Variants in PTPRN2 observed in about 807,000 individuals in gnomAD.
PTPRN2 encodes receptor-type tyrosine-protein phosphatase N2.
Under a neutral mutation model 118.8 loss-of-function variants are expected in PTPRN2, and 74 were observed. The ratio of observed to expected loss-of-function variants is 0.62; its 90% CI spans 0.52 to 0.76. The LOEUF (loss-of-function observed/expected upper bound fraction) is 0.76. PTPRN2 is among the 30% of genes least tolerant of loss of function. The pLI is 0.00. For missense variants in PTPRN2, 1,481 were observed against 1,394.4 expected, an observed-to-expected ratio of 1.06 and a Z score of -0.99; for synonymous variants, 641 against 608.0, an observed-to-expected ratio of 1.05 and a Z score of -0.80.
intron 9 of PTPRN2, among the ~76,000 whole-genome samples, chr7:158,133,274 C>T (rs1017511046): frequency 6.6e-5 from 10 of 152,220 alleles, no homozygotes; most frequent in East Asian, 1.9e-4. Context: ...CGCATTCCCG[C>T]GCGGGCCGTG....
intron 3 of PTPRN2, among the ~76,000 whole-genome samples, chr7:158,305,463 A>G (rs371019427): frequency 6.0e-4 from 91 of 152,322 alleles, no homozygotes; most frequent in Middle Eastern, 6.8e-3. Context: ...CCATGGCAGC[A>G]TTGTTTTTGG....
rs1826276303 is a variant in PTPRN2 at position 158,546,301 on chromosome 7, T to C, written c.112+41257A>G. ...GGATGTACAGAGCGCTTCCAGCAGC[T>C]TGAGCTTCACGCCTGCCCGGAGACG... On this transcript the variant is annotated intron_variant, in intron 1 of 22. Coordinates refer to ENST00000389418, the MANE Select transcript of PTPRN2 (RefSeq NM_002847.5). This position sits in a 1 kb window ranked among gnomAD's most constrained non-coding sequence, Gnocchi z 5.0. Among the ~76,000 whole-genome samples, 1 of 152,204 alleles carries C rather than the reference T, an allele frequency of 6.6e-6. No homozygotes were observed. Among genetic ancestry groups the C allele is most frequent in the South Asian group, 2.1e-4 (1 of 4,834 alleles).
Position 157,711,458 on chromosome 7 carries a change from T to A in PTPRN2, c.1789-28521A>T, listed in dbSNP as rs1563025837. Reference sequence around the variant, plus strand: ...CCCCACGCGCCGGAGGTCCGGTTTGTGCACCTGCACACGGGTCCTGTCTGT... The same window carrying A: ...CCCCACGCGCCGGAGGTCCGGTTTGAGCACCTGCACACGGGTCCTGTCTGT... On this transcript the variant is annotated intron_variant, in intron 12 of 22. Coordinates refer to ENST00000389418, the MANE Select transcript of PTPRN2 (RefSeq NM_002847.5). Among the ~76,000 whole-genome samples, 2 of 46,284 alleles carry A rather than the reference T, an allele frequency of 4.3e-5. 1 individual carries two copies. The highest frequency in any genetic ancestry group is 1.5e-4 in the Non-Finnish European group (2 of 13,372). The allele number at this position is 46,284 out of a possible 152,430, so 30.4% of individuals were successfully genotyped here. A position where few individuals can be genotyped will look rare whatever the true frequency, so the allele number is the denominator to read the frequency against.
rs113707743 is a variant in PTPRN2 at position 158,087,939 on chromosome 7, A to G, written c.1644-6562T>C. On this transcript the variant is annotated intron_variant, in intron 10 of 22. Transcript: ENST00000389418. Reference sequence around the variant, plus strand: ...CACATCCTTCTTCCCCTGATGAAAGAGGGAGTCTTCACACAAACCTTCTTC... The same window carrying G: ...CACATCCTTCTTCCCCTGATGAAAGGGGGAGTCTTCACACAAACCTTCTTC... Among the ~76,000 whole-genome samples the G allele has an allele frequency of 5.3e-3, 378 of 70,888 alleles. 14 individuals carry two copies. Among genetic ancestry groups the G allele is most frequent in the African/African-American group, 0.011 (233 of 20,652 alleles). The allele number at this position is 70,888 out of a possible 152,430, so 46.5% of individuals were successfully genotyped here. A position where few individuals can be genotyped will look rare whatever the true frequency, so the allele number is the denominator to read the frequency against.
chr7:158,522,469 C>T (rs1191039706), intron 1 of PTPRN2, among the ~76,000 whole-genome samples: 1 of 150,938 alleles, frequency 6.6e-6, no homozygotes, highest in African/African-American at 2.5e-5. Context: ...GAAAGGTCCA[C>T]GTCAGAATGG....
At chr7:157,985,728 C>A (rs1803731118) in intron 11 of PTPRN2, among the ~76,000 whole-genome samples, 1 of 152,068 alleles carries the variant, frequency 6.6e-6, no homozygotes, top group Admixed American at 6.5e-5. Context: ...CTACTCACTG[C>A]ACAGCCAGCG....
intron 11 of PTPRN2, among the ~76,000 whole-genome samples, chr7:157,928,184 C>T (rs765264058): frequency 2.0e-5 from 3 of 152,186 alleles, no homozygotes; most frequent in Admixed American, 6.5e-5. Context: ...CACCCAAGAC[C>T]GTAAAACCAG....
intron 1 of PTPRN2, among the ~76,000 whole-genome samples, chr7:158,528,629 A>G (rs550797792): frequency 1.4e-3 from 204 of 149,188 alleles, no homozygotes; most frequent in Non-Finnish European, 2.6e-3. Context: ...TACTAAAAAT[A>G]CAAAAAAAAA....
At chr7:157,670,159 G>A (rs906315271) in intron 13 of PTPRN2, among the ~76,000 whole-genome samples, 4 of 152,190 alleles carry the variant, frequency 2.6e-5, no homozygotes, top group African/African-American at 4.8e-5. Context: ...CTCTGGGGAG[G>A]TGAGGGCTGT....
At chr7:157,883,832 A>G (rs1237930843) in intron 12 of PTPRN2, among the ~76,000 whole-genome samples, 1 of 148,614 alleles carries the variant, frequency 6.7e-6, no homozygotes, top group African/African-American at 2.5e-5. Flanking sequence ...AATGACTGTC[A>G]GAGATCAGAA....
At chr7:158,340,028 G>T (rs1386753404) in intron 2 of PTPRN2, among the ~76,000 whole-genome samples, 1 of 75,516 alleles carries the variant, frequency 1.3e-5, no homozygotes, top group Non-Finnish European at 2.8e-5. Flanking sequence ...CACTATAAGA[G>T]GTGACATATG....
intron 21 of PTPRN2, among the ~76,000 whole-genome samples, chr7:157,555,704 A>G (rs187365435): frequency 3.5e-4 from 53 of 152,356 alleles, no homozygotes; most frequent in Non-Finnish European, 5.3e-4. Context: ...TTTTCTTGAA[A>G]GTAAAAACGA....
chr7:158,308,755 A>G (rs1801484468), intron 3 of PTPRN2, among the ~76,000 whole-genome samples: 2 of 152,174 alleles, frequency 1.3e-5, no homozygotes, highest in African/African-American at 2.4e-5. Flanking sequence ...AAACACTAAG[A>G]AAGCAACTCA....
At chr7:158,210,719 G>A (rs1827531521) in intron 3 of PTPRN2, among the ~76,000 whole-genome samples, 2 of 152,094 alleles carry the variant, frequency 1.3e-5, no homozygotes, top group Admixed American at 6.5e-5. Context: ...AAACCCAGAA[G>A]AAATGGATAA....
chr7:157,586,787 C>G (rs528994892), intron 17 of PTPRN2, among the ~76,000 whole-genome samples: 1 of 152,364 alleles, frequency 6.6e-6, no homozygotes, highest in Non-Finnish European at 1.5e-5. Context: ...GTCCGGGACA[C>G]TCAGGGCCCT....
In PTPRN2 at chr7:158,466,086, C is replaced by T. The variant is rs536087382; in HGVS notation, c.163+23649G>A. Among the ~76,000 whole-genome samples, 85 of 152,280 alleles carry T rather than the reference C, an allele frequency of 5.6e-4. 1 individual carries two copies. The South Asian group carries it at 0.017, about 30-fold the overall frequency. On this transcript the variant is annotated intron_variant, in intron 2 of 22. Transcript: ENST00000389418. ...AAAATTTTTGGATGTACATTTGAGG[C>T]GTGCAACATGATGTTGGATACATAC...
intron 11 of PTPRN2, among the ~76,000 whole-genome samples, chr7:157,926,607 G>A (rs1238350927): frequency 6.6e-6 from 1 of 152,174 alleles, no homozygotes; most frequent in African/African-American, 2.4e-5. Context: ...TGAGTAACTG[G>A]GCGGGACTCC....
intron 4 of PTPRN2, among the ~76,000 whole-genome samples, chr7:158,194,227 T>C (rs1826031111): frequency 6.6e-6 from 1 of 152,246 alleles, no homozygotes; most frequent in Non-Finnish European, 1.5e-5. Flanking sequence ...CACACCATGC[T>C]TCTAATAAAA....
In PTPRN2 at chr7:157,593,810, C is replaced by T. The variant is rs141451069; in HGVS notation, c.2496+1428G>A. Among the ~76,000 whole-genome samples the T allele has an allele frequency of 9.9e-3, 1,501 of 152,298 alleles. 21 individuals carry two copies. The highest frequency in any genetic ancestry group is 0.015 in the Non-Finnish European group (996 of 68,016). ...AAAGGCATGTTCTCACCGGGCTGGG[C>T]GACTCCCCAGCTGTGACAAGTAGGG... On this transcript the variant is annotated intron_variant, in intron 17 of 22. Coordinates refer to ENST00000389418, the MANE Select transcript of PTPRN2 (RefSeq NM_002847.5).
Sources: allele counts gnomAD v4.1 joint callset (sites outside exome capture counted in the v4.1 genomes callset), GRCh38; gene constraint gnomAD v4.1.1; non-coding constraint Gnocchi (gnomAD v3.1); transcripts MANE v1.5; gene names NCBI Gene and HGNC (gene_info 2026-07-23, HGNC 2026-07-21).